The following MEIS1 variants were observed in gnomAD, a reference collection of about 807,000 sequenced individuals.
MEIS1 encodes Meis homeobox 1, also known as homeobox protein Meis1.
A neutral mutation model predicts 50.8 loss-of-function variants in MEIS1; 5 were observed. That is an observed-to-expected ratio of 0.10 (90% confidence interval 0.05 to 0.21). MEIS1 has a LOEUF of 0.21. Ranked by LOEUF, MEIS1 falls within the 10% of genes least tolerant of loss-of-function variation. The probability of loss-of-function intolerance (pLI) is 1.00; values close to 1 mark genes in which losing one functional copy is unlikely to be tolerated. For synonymous variants in MEIS1, 176 were observed against 179.3 expected, an observed-to-expected ratio of 0.98 and a Z score of 0.15; for missense variants, 318 against 517.3, an observed-to-expected ratio of 0.61 and a Z score of 3.74.
intron 7 of MEIS1, 70 bp downstream of exon 7, chr2:66,464,290 T>G: frequency 8.1e-7 from 1 of 1,227,458 alleles, no homozygotes; most frequent in Non-Finnish European, 1.2e-6. Context: ...AAATGTCTAG[T>G]GAGTTACTAA....
intron 8 of MEIS1, among the ~76,000 whole-genome samples, chr2:66,536,236 AT>A (rs1674514868): frequency 6.6e-6 from 1 of 152,226 alleles, no homozygotes; most frequent in African/African-American, 2.4e-5. Flanking sequence ...TTAATACCAA[AT>A]TTACATACTT....
intron 8 of MEIS1, among the ~76,000 whole-genome samples, chr2:66,525,128 G>A (rs553663028): frequency 6.6e-6 from 1 of 152,086 alleles, no homozygotes; most frequent in East Asian, 1.9e-4. Flanking sequence ...CAGGAAAATC[G>A]CTTGAGCCCA....
At chr2:66,568,514 C>CGCCGCATCA in intron 10 of MEIS1, 153 bp from the exon 11 acceptor site, 1 of 434,524 alleles carries the variant, frequency 2.3e-6, no homozygotes, top group Non-Finnish European at 4.1e-6. Context: ...TAGATCTAGT[C>CGCCGCATCA]TGAGAGAAAT....
chr2:66,567,599 A>C, intron 10 of MEIS1, 88 bp downstream of exon 10: 1 of 1,217,292 alleles, frequency 8.2e-7, no homozygotes. Flanking sequence ...CCTGGTAAAT[A>C]AACTGGGAGT....
chr2:66,557,242 C>G (rs1009184889), intron 9 of MEIS1, among the ~76,000 whole-genome samples: 3 of 152,152 alleles, frequency 2.0e-5, no homozygotes, highest in African/African-American at 7.2e-5. Flanking sequence ...GTGCTTCTTC[C>G]AGTCCACTAG....
chr2:66,550,690 G>T (rs1674898233), intron 9 of MEIS1, among the ~76,000 whole-genome samples: 1 of 151,852 alleles, frequency 6.6e-6, no homozygotes, highest in South Asian at 2.1e-4. Flanking sequence ...TGAGGCAGGG[G>T]TTTTGCTATG....
At chr2:66,446,220 C>T (rs1444614288) in intron 6 of MEIS1, among the ~76,000 whole-genome samples, 1 of 152,140 alleles carries the variant, frequency 6.6e-6, no homozygotes, top group Non-Finnish European at 1.5e-5. Context: ...GTTCTAGGGG[C>T]CCTTGGGTGG....
At chr2:66,458,158 A>C (rs1672437867) in intron 6 of MEIS1, among the ~76,000 whole-genome samples, 1 of 152,228 alleles carries the variant, frequency 6.6e-6, no homozygotes, top group Non-Finnish European at 1.5e-5. Context: ...GAAGAAAAAA[A>C]AACTCTATTT....
At chr2:66,446,733 C>A (rs1375697126) in intron 6 of MEIS1, among the ~76,000 whole-genome samples, 3 of 152,122 alleles carry the variant, frequency 2.0e-5, no homozygotes, top group Admixed American at 2.0e-4. Flanking sequence ...ACCAGAGAGC[C>A]ACGCTCGCCA....
At chr2:66,570,028 A>G (rs1037209883) in intron 12 of MEIS1, 16 of 152,298 alleles carry the variant, frequency 1.1e-4, no homozygotes, top group African/African-American at 3.8e-4. Flanking sequence ...AATTACCCCT[A>G]ATAGCACTGT....
At chr2:66,436,768 C>A (rs971375997) in intron 1 of MEIS1, 7 of 506,408 alleles carry the variant, frequency 1.4e-5, no homozygotes, top group African/African-American at 2.1e-5. Flanking sequence ...TCACTCTCAG[C>A]GCCTCCAAAT....
At chr2:66,452,849 G>A (rs1672306391) in intron 6 of MEIS1, among the ~76,000 whole-genome samples, 1 of 151,802 alleles carries the variant, frequency 6.6e-6, no homozygotes, top group South Asian at 2.1e-4. Flanking sequence ...AAATAAGCAA[G>A]AAAAACATCT....
chr2:66,506,094 G>C (rs542566159), intron 7 of MEIS1, among the ~76,000 whole-genome samples: 1 of 152,324 alleles, frequency 6.6e-6, no homozygotes, highest in East Asian at 1.9e-4. Context: ...GTAACGCCAG[G>C]ATTTGAGAGC....
chr2:66,448,858 G>A lies in MEIS1; in HGVS notation c.630+5810G>A, dbSNP rs568870954. On this transcript the variant is annotated intron_variant, in intron 6 of 12. Coordinates refer to ENST00000272369, the MANE Select transcript of MEIS1 (RefSeq NM_002398.3). ...TAATTCAAAATTATTTGACTCCACT[G>A]TCAGGGAAATAGTTGAAGGATAGTA... Among the ~76,000 whole-genome samples the A allele has an allele frequency of 5.9e-5, 9 of 152,210 alleles. No individual in the cohort carries two copies. The East Asian group carries it at 1.7e-3, about 29-fold the overall frequency.
intron 8 of MEIS1, among the ~76,000 whole-genome samples, chr2:66,523,749 T>G (rs1388002670): frequency 1.3e-5 from 2 of 152,236 alleles, no homozygotes; most frequent in Admixed American, 1.3e-4. Flanking sequence ...ATTTTACATT[T>G]GAACTAACAT....
intron 7 of MEIS1, among the ~76,000 whole-genome samples, chr2:66,493,811 A>G (rs911577747): frequency 2.0e-5 from 3 of 152,228 alleles, no homozygotes; most frequent in African/African-American, 7.2e-5. Flanking sequence ...GCTTAAAAAA[A>G]GATGTTATTC....
intron 8 of MEIS1, among the ~76,000 whole-genome samples, chr2:66,541,705 A>G (rs543464501): frequency 1.4e-4 from 22 of 152,324 alleles, no homozygotes; most frequent in African/African-American, 4.8e-4. Context: ...TGGAAATCCT[A>G]TGACTCTACT....
intron 9 of MEIS1, among the ~76,000 whole-genome samples, chr2:66,563,769 G>A (rs1675273653): frequency 6.6e-6 from 1 of 152,098 alleles, no homozygotes; most frequent in Non-Finnish European, 1.5e-5. Flanking sequence ...TTGCCCAGAA[G>A]GAAAATGTTT....
chr2:66,551,441 T>G (rs1261479809), intron 9 of MEIS1, among the ~76,000 whole-genome samples: 1 of 152,132 alleles, frequency 6.6e-6, no homozygotes, highest in African/African-American at 2.4e-5. Flanking sequence ...ACTCTTATTT[T>G]GGTCCAATTG....
Sources: allele counts gnomAD v4.1 joint callset (sites outside exome capture counted in the v4.1 genomes callset), GRCh38; gene constraint gnomAD v4.1.1; transcripts MANE v1.5; gene names NCBI Gene and HGNC (gene_info 2026-07-23, HGNC 2026-07-21).